Variants in COMP observed in about 807,000 individuals in gnomAD.
The protein encoded by COMP is cartilage oligomeric matrix protein (pseudoachondroplasia, epiphyseal dysplasia 1, multiple).
COMP carries 79 observed loss-of-function variants against 95.8 expected under a neutral mutation model. The observed-to-expected ratio is 0.82, with a 90% CI of 0.69 to 0.99. The LOEUF (loss-of-function observed/expected upper bound fraction) is 0.99, where lower values mean the gene tolerates loss of function less well. Among genes scored for constraint, COMP ranks in the 50% least tolerant of loss-of-function variants. The pLI is 0.00. For synonymous variants in COMP, 438 were observed against 433.9 expected (o/e 1.01, Z -0.12); for missense variants, 906 against 1,076.1 (o/e 0.84, Z 2.21).
chr19:18,784,039 C>A lies in COMP; in HGVS notation c.2087+152G>T. 1.2e-6 allele frequency: 1 copy of A among 865,078 alleles called. No individual in the cohort carries two copies. Among genetic ancestry groups the A allele is most frequent in the African/African-American group, 1.7e-5 (1 of 60,238 alleles). The allele number at this position is 865,078 out of a possible 1,614,324, so 53.6% of individuals were successfully genotyped here. Reference sequence around the variant, plus strand: ...GGGTTACAGGTGTGAGCCACCACGCCTGGACCAGCATAGGCTCATTCTAAC... The same window carrying A: ...GGGTTACAGGTGTGAGCCACCACGCATGGACCAGCATAGGCTCATTCTAAC... On this transcript the variant is annotated intron_variant, in intron 17 of 18. Transcript: ENST00000222271. The surrounding 1 kb of genome is among the most constrained non-coding windows in gnomAD (Gnocchi z 4.9).
intron 15 of COMP, 34 bp downstream of exon 15, chr19:18,785,464 C>T (rs999766204): frequency 5.0e-6 from 8 of 1,612,132 alleles, no homozygotes; most frequent in Non-Finnish European, 2.5e-6. Flanking sequence ...TGAGCCCGCT[C>T]CGTGGCAGGA....
intron 9 of COMP, among the ~76,000 whole-genome samples, 190 bp from the exon 10 acceptor site, chr19:18,787,840 C>CTTTT (rs1426384151): frequency 7.9e-6 from 1 of 125,922 alleles, no homozygotes; most frequent in Non-Finnish European, 1.6e-5. Context: ...ACAGCTCTGT[C>CTTTT]TTTTCTTTTT....
Position 18,785,610 on chromosome 19 carries a change from A to G in COMP, c.1668+63T>C, listed in dbSNP as rs1356627453. 5.0e-6 allele frequency: 8 copies of G among 1,613,566 alleles called. No homozygotes were observed. The Admixed American group carries it at 1.3e-4, about 27-fold the overall frequency. Reference sequence around the variant, plus strand: ...TGACAGCCCTAGGCACCCTGTCCTCAGCATAGGCCTCACTGTGGGGGTTCT... The same window carrying G: ...TGACAGCCCTAGGCACCCTGTCCTCGGCATAGGCCTCACTGTGGGGGTTCT... On this transcript the variant is annotated intron_variant, in intron 14 of 18. Coordinates refer to ENST00000222271, the MANE Select transcript of COMP (RefSeq NM_000095.3).
chr19:18,786,730 C>T, intron 10 of COMP, 80 bp from the exon 11 acceptor site: 1 of 694,712 alleles, frequency 1.4e-6, no homozygotes, highest in Non-Finnish European at 2.4e-6. Flanking sequence ...CAGCCTGAGG[C>T]TGGCCTGGAA....
intron 3 of COMP, among the ~76,000 whole-genome samples, 175 bp downstream of exon 3, chr19:18,790,386 TC>T (rs1429379962): frequency 3.9e-5 from 6 of 152,018 alleles, no homozygotes; most frequent in African/African-American, 1.4e-4. Context: ...CGCTTCTGTC[TC>T]TTTTTGTCTC....
Position 18,789,151 on chromosome 19 carries a change from A to C in COMP, c.528+9T>G. On this transcript the variant is annotated intron_variant, in intron 5 of 18. Transcript: ENST00000222271. The surrounding 1 kb of genome is among the most constrained non-coding windows in gnomAD (Gnocchi z 6.1). Reference sequence around the variant, plus strand: ...TCTGCTCCAAAAATGGGGCCCCCACACCTCTCACCTGCTTGTTGGCCTTGG... The same window carrying C: ...TCTGCTCCAAAAATGGGGCCCCCACCCCTCTCACCTGCTTGTTGGCCTTGG... 6.3e-7 allele frequency: 1 copy of C among 1,584,428 alleles called. No homozygotes were observed. Among genetic ancestry groups the C allele is most frequent in the Non-Finnish European group, 8.6e-7 (1 of 1,168,680 alleles).
At chr19:18,791,035 G>T in intron 1 of COMP, 100 bp from the exon 2 acceptor site, 2 of 1,516,758 alleles carry the variant, frequency 1.3e-6, no homozygotes, top group Non-Finnish European at 1.8e-6. Context: ...GCCCCACTGC[G>T]CTCCTCTAGT....
At chr19:18,787,975 C>T (rs1046264268) in intron 9 of COMP, among the ~76,000 whole-genome samples, 3 of 150,138 alleles carry the variant, frequency 2.0e-5, no homozygotes, top group Non-Finnish European at 4.4e-5. Context: ...GCGATCTCGG[C>T]TGACTGCAAC....
In COMP at chr19:18,784,240, T is replaced by C. The variant is rs1335570727; in HGVS notation, c.2038A>G (p.Lys680Glu). 3.1e-6 allele frequency: 5 copies of C among 1,613,914 alleles called. No homozygotes were observed. The highest frequency in any genetic ancestry group is 4.2e-6 in the Non-Finnish European group (5 of 1,180,024). ...TGCTGCAGGAACCAACGATAGGACTTCTTGTCCTTCCAACCCACGTTTCGC... is the reference window on the plus strand; with the variant it reads ...TGCTGCAGGAACCAACGATAGGACTCCTTGTCCTTCCAACCCACGTTTCGC... ...DPRNVGWKDKKSYRWFLQHRP... is the reference protein window; with the variant it reads ...DPRNVGWKDKESYRWFLQHRP... Residue 680 changes from lysine to glutamate, a missense_variant, in exon 17 of 19, where the codon AAG (lysine) becomes GAG (glutamate). Transcript: ENST00000222271. This position sits in a 1 kb window ranked among gnomAD's most constrained non-coding sequence, Gnocchi z 4.9.
Position 18,785,393 on chromosome 19 carries a change from A to G in COMP, c.1717+105T>C. Reference sequence around the variant, plus strand: ...TCCCCGCCCTTCCTGAGCCCGGGCCAGCCCCCTTCTGGCCCCGCCCATTCT... The same window carrying G: ...TCCCCGCCCTTCCTGAGCCCGGGCCGGCCCCCTTCTGGCCCCGCCCATTCT... On this transcript the variant is annotated intron_variant, in intron 15 of 18. Coordinates refer to ENST00000222271, the MANE Select transcript of COMP (RefSeq NM_000095.3). 3 of 805,546 alleles carry G rather than the reference A, an allele frequency of 3.7e-6. No homozygotes were observed. The South Asian group carries it at 4.5e-5, about 12-fold the overall frequency. 49.9% of individuals were successfully genotyped at this position (805,546 alleles called of 1,614,324 possible). A position where few individuals can be genotyped will look rare whatever the true frequency, so the allele number is the denominator to read the frequency against.
At position 18,784,705 on chromosome 19, in the gene COMP, A is replaced by C. The variant is rs1312525538; in HGVS notation, c.1914+191T>G. ...ATAGGAAGACTGGGGGGCCCTGAGA[A>C]TGTTTGAGAATTTGTGCAAGGAACT... is the stretch of plus-strand genomic sequence containing the variant. On this transcript the variant is annotated intron_variant, in intron 16 of 18. Transcript: ENST00000222271. The surrounding 1 kb of genome is among the most constrained non-coding windows in gnomAD (Gnocchi z 4.9). Among the ~76,000 whole-genome samples the C allele has an allele frequency of 6.6e-6, 1 of 151,780 alleles. No homozygotes were observed. The highest frequency in any genetic ancestry group is 1.9e-4 in the East Asian group (1 of 5,168).
Position 18,788,057 on chromosome 19 carries a change from C to T in COMP, c.975+155G>A, listed in dbSNP as rs1044268954. Among the ~76,000 whole-genome samples, 9 of 151,932 alleles carry T rather than the reference C, an allele frequency of 5.9e-5. No individual in the cohort carries two copies. The highest frequency in any genetic ancestry group is 1.2e-4 in the Non-Finnish European group (8 of 68,000). ...TAGCTGGGATTACAGGCGTGCACCA[C>T]CACGCCCCGCTAATTTTTGTATTTT... On this transcript the variant is annotated intron_variant, in intron 9 of 18. Transcript: ENST00000222271. The surrounding 1 kb of genome is among the most constrained non-coding windows in gnomAD (Gnocchi z 4.7).
At position 18,790,544 on chromosome 19, in the gene COMP, C is replaced by A; in HGVS notation, c.217+18G>T. 1 of 1,613,674 alleles carries A rather than the reference C, an allele frequency of 6.2e-7. No individual in the cohort carries two copies. Among genetic ancestry groups the A allele is most frequent in the South Asian group, 1.1e-5 (1 of 91,084 alleles). ...GTCTCCCGTCTCTTCTCTCTCCCGA[C>A]CGCCCCGCCGCGCTCACCGCACGCG... On this transcript the variant is annotated intron_variant, in intron 3 of 18. Coordinates refer to ENST00000222271, the MANE Select transcript of COMP (RefSeq NM_000095.3).
In COMP at chr19:18,787,617, G is replaced by A; in HGVS notation, c.1009C>T (p.Arg337Cys). 1 of 1,613,964 alleles carries A rather than the reference G, an allele frequency of 6.2e-7. No individual in the cohort carries two copies. The highest frequency in any genetic ancestry group is 2.2e-5 in the East Asian group (1 of 44,876). The stretch of plus-strand genomic sequence containing the variant: ...CCCCACTTGTCCTCGTCCGTGTTGC[G>A]CTGGTCTGGGTTCCGCACCAGCGGG... ...NCPLVRNPDQ[R>C]NTDEDKWGDA... is the part of the protein sequence containing the mutation. Residue 337 changes from arginine (R) to cysteine (C), a missense_variant, in exon 10 of 19, where the codon CGC (arginine) becomes TGC (cysteine). Arg to Cys is a radical substitution (Grantham distance 180). Coordinates refer to ENST00000222271, the MANE Select transcript of COMP (RefSeq NM_000095.3).
At chr19:18,785,922 C>G (rs1568554751) in intron 13 of COMP, 43 bp downstream of exon 13, 1 of 1,588,226 alleles carries the variant, frequency 6.3e-7, no homozygotes, top group Non-Finnish European at 8.5e-7. Flanking sequence ...GCCAGGAGCC[C>G]CCACTGGCCC....
At chr19:18,783,617 T>C (rs2055142131) in intron 17 of COMP, among the ~76,000 whole-genome samples, 1 of 151,678 alleles carries the variant, frequency 6.6e-6, no homozygotes, top group Non-Finnish European at 1.5e-5. Context: ...TGGCATTTTT[T>C]TTTTTTTTTG....
At chr19:18,790,819 G>C in intron 2 of COMP, 31 bp downstream of exon 2, 2 of 1,554,492 alleles carry the variant, frequency 1.3e-6, no homozygotes, top group African/African-American at 1.4e-5. Context: ...CCGTTCCCTG[G>C]CACTCCCTGC....
Position 18,790,909 on chromosome 19 carries a change from G to A in COMP, c.106C>T (p.Arg36Trp), listed in dbSNP as rs1211798835. The A allele has an allele frequency of 1.9e-6, 3 of 1,569,336 alleles. No individual in the cohort carries two copies. The African/African-American group carries it at 4.1e-5, about 21-fold the overall frequency. Residue 36 changes from arginine (R) to tryptophan (W), a missense_variant, in exon 2 of 19, where the codon CGG becomes TGG. Physicochemically the swap from Arg to Trp is moderately radical, Grantham distance 101. Coordinates refer to ENST00000222271, the MANE Select transcript of COMP (RefSeq NM_000095.3). The part of the protein sequence containing the change: ...LGSDLGPQML[R>W]ELQETNAALQ... ...GCCGCGTTGGTTTCCTGCAGTTCCC[G>A]AAGCATCTGCGGGCCCAGGTCTGAG...
chr19:18,786,341 A>C, intron 11 of COMP, 50 bp from the exon 12 acceptor site: 1 of 1,612,738 alleles, frequency 6.2e-7, no homozygotes, highest in Non-Finnish European at 8.5e-7. Context: ...GGAAATCAGA[A>C]AGCCTCCCAC....
Sources: allele counts gnomAD v4.1 joint callset (sites outside exome capture counted in the v4.1 genomes callset), GRCh38; gene constraint gnomAD v4.1.1; non-coding constraint Gnocchi (gnomAD v3.1); transcripts MANE v1.5; gene names NCBI Gene and HGNC (gene_info 2026-07-23, HGNC 2026-07-21).